USP20: variants seen among roughly 807,000 people sequenced by gnomAD.
The protein encoded by USP20 is ubiquitin specific peptidase 20.
Under a neutral mutation model 124.2 loss-of-function variants are expected in USP20, and 80 were observed. That is an observed-to-expected ratio of 0.64 (90% CI 0.54 to 0.78). USP20 has a LOEUF of 0.78. USP20 is among the 30% of genes least tolerant of loss of function. USP20 has a pLI of 0.00. For missense variants in USP20, 1,043 were observed against 1,244.4 expected (o/e 0.84, Z 2.44); for synonymous variants, 481 against 512.3 (o/e 0.94, Z 0.83).
At chr9:129,843,117 A>ATTT (rs111656983) in intron 1 of USP20, among the ~76,000 whole-genome samples, 4 of 140,528 alleles carry the variant, frequency 2.8e-5, no homozygotes, top group African/African-American at 8.0e-5. Flanking sequence ...TTGACCAATA[A>ATTT]TTTTTTTTTT....
At chr9:129,878,688 A>G (rs2034512825) in intron 23 of USP20, among the ~76,000 whole-genome samples, 1 of 152,178 alleles carries the variant, frequency 6.6e-6, no homozygotes, top group African/African-American at 2.4e-5. Flanking sequence ...TGCCATGCCC[A>G]GCAAGCTGCT....
chr9:129,870,367 G>T, intron 14 of USP20, 86 bp from the exon 15 acceptor site: 1 of 1,451,486 alleles, frequency 6.9e-7, no homozygotes. Flanking sequence ...TGCGGCTCAG[G>T]CCTGACAGAC....
chr9:129,875,656 G>A lies in USP20; in HGVS notation c.2300+15G>A, dbSNP rs1351895552. 4 of 1,613,158 alleles carry A rather than the reference G, an allele frequency of 2.5e-6. No homozygotes were observed. The South Asian group carries it at 4.4e-5, about 18-fold the overall frequency. On this transcript the variant is annotated intron_variant, in intron 21 of 25. Transcript: ENST00000372429. ...CTGTACAACAGGTGAGAGCCTGGGA[G>A]GCCAACTTGTCTCCGTCCTGTCCAG...
rs1232201732 is a variant in USP20, at chr9:129,878,337, G to A, written c.2410-1G>A. 1 of 1,586,498 alleles carries A rather than the reference G, an allele frequency of 6.3e-7. No individual in the cohort carries two copies. Among genetic ancestry groups the A allele is most frequent in the Non-Finnish European group, 8.6e-7 (1 of 1,166,412 alleles). On this transcript the variant is annotated splice_acceptor_variant, in intron 22 of 25. Coordinates refer to ENST00000372429, the MANE Select transcript of USP20 (RefSeq NM_001110303.4). LOFTEE classifies it high-confidence loss of function. ...TCCTCCCGTCCCTGCCCGCCTGCCA[G>A]TTGAACAAGGCCTTCCAGGCCGAGG...
intron 1 of USP20, among the ~76,000 whole-genome samples, chr9:129,843,951 T>C (rs2032385680): frequency 6.6e-6 from 1 of 151,392 alleles, no homozygotes; most frequent in African/African-American, 2.4e-5. Flanking sequence ...CCTGTAGTCC[T>C]AGCTACTTGG....
At chr9:129,850,285 T>G (rs1035227430) in intron 2 of USP20, among the ~76,000 whole-genome samples, 1 of 152,196 alleles carries the variant, frequency 6.6e-6, no homozygotes, top group Non-Finnish European at 1.5e-5. Context: ...ATTTACATTT[T>G]CTATAAGTTA....
At chr9:129,863,334 T>C in intron 9 of USP20, 35 bp downstream of exon 9, 1 of 1,493,268 alleles carries the variant, frequency 6.7e-7, no homozygotes, top group Non-Finnish European at 9.1e-7. Flanking sequence ...GGGCGGTGTG[T>C]GGGGACTGGG....
Position 129,874,710 on chromosome 9 carries a change from CACCT to C in USP20, c.1878_1881del (p.Tyr627ThrfsTer24). Reference sequence around the variant, plus strand: ...CCAAGGAGTGCACATCCCAGATCACCACCTACGACCTCCTCTCGGTCATCTGCCA... The same window carrying C: ...CCAAGGAGTGCACATCCCAGATCACCACGACCTCCTCTCGGTCATCTGCCA... On this transcript the variant is annotated frameshift_variant, in exon 18 of 26. Transcript: ENST00000372429. LOFTEE classifies it high-confidence loss of function. The C allele has an allele frequency of 6.2e-7, 1 of 1,613,990 alleles. No homozygotes were observed. The highest frequency in any genetic ancestry group is 8.5e-7 in the Non-Finnish European group (1 of 1,180,032).
intron 22 of USP20, among the ~76,000 whole-genome samples, chr9:129,876,603 C>T (rs1234200523): frequency 6.7e-6 from 1 of 149,034 alleles, no homozygotes; most frequent in East Asian, 2.0e-4. Context: ...TGTGCCACTG[C>T]GCTCCAGCCT....
intron 1 of USP20, among the ~76,000 whole-genome samples, chr9:129,837,028 G>GGGTA (rs2031893975): frequency 6.6e-6 from 1 of 152,216 alleles, no homozygotes; most frequent in African/African-American, 2.4e-5. Flanking sequence ...TGAAGTCCCA[G>GGGTA]GGTACAGATG....
chr9:129,851,361 A>G (rs2032911947), intron 2 of USP20, among the ~76,000 whole-genome samples: 2 of 149,676 alleles, frequency 1.3e-5, no homozygotes, highest in South Asian at 2.1e-4. Context: ...CTGGGCTCAC[A>G]TGATCTCCTA....
chr9:129,848,695 CT>C (rs1206033320), intron 1 of USP20, among the ~76,000 whole-genome samples: 1 of 152,028 alleles, frequency 6.6e-6, no homozygotes, highest in Non-Finnish European at 1.5e-5. Context: ...TGCCCACTCC[CT>C]CCCCAGCCAC....
chr9:129,878,994 G>A (rs984978360), intron 23 of USP20, among the ~76,000 whole-genome samples: 1 of 152,368 alleles, frequency 6.6e-6, no homozygotes, highest in African/African-American at 2.4e-5. Context: ...CCCTTGGTGT[G>A]GAGCATGAGC....
In USP20 at chr9:129,857,277, C is replaced by T. The variant is rs554932263; in HGVS notation, c.136-773C>T. Among the ~76,000 whole-genome samples, 48 of 152,308 alleles carry T rather than the reference C, an allele frequency of 3.2e-4. No homozygotes were observed. In the South Asian group the frequency reaches 9.5e-3, roughly 30 times the overall value. Reference sequence around the variant, plus strand: ...GGCTGTTACAAGTGCAGGACGTGGTCCTACCTCATAGGAGCCACAGTCCCC... The same window carrying T: ...GGCTGTTACAAGTGCAGGACGTGGTTCTACCTCATAGGAGCCACAGTCCCC... On this transcript the variant is annotated intron_variant, in intron 4 of 25. Coordinates refer to ENST00000372429, the MANE Select transcript of USP20 (RefSeq NM_001110303.4).
In USP20 at chr9:129,844,949, G is replaced by C. The variant is rs146095687; in HGVS notation, c.-128-4864G>C. 5.1e-3 allele frequency among the ~76,000 whole-genome samples: 779 copies of C among 152,192 alleles called. 6 individuals are homozygous for C. Among genetic ancestry groups the C allele is most frequent in the East Asian group, 0.02 (105 of 5,172 alleles). On this transcript the variant is annotated intron_variant, in intron 1 of 25. Coordinates refer to ENST00000372429, the MANE Select transcript of USP20 (RefSeq NM_001110303.4). ...TGTAATCCCAGCACTTTGGGAGGTG[G>C]AGGTGGGCAGATCACTTAAGCCCAG...
intron 1 of USP20, among the ~76,000 whole-genome samples, chr9:129,849,121 C>T (rs1016951669): frequency 6.6e-6 from 1 of 152,176 alleles, no homozygotes; most frequent in African/African-American, 2.4e-5. Context: ...GGGGCCAGGC[C>T]TTCCTGTCCA....
intron 2 of USP20, among the ~76,000 whole-genome samples, chr9:129,851,578 C>T (rs1043764070): frequency 7.2e-6 from 1 of 139,016 alleles, no homozygotes; most frequent in African/African-American, 2.7e-5. Flanking sequence ...CCACCCCACA[C>T]TCAAGATACA....
intron 4 of USP20, 118 bp from the exon 5 acceptor site, chr9:129,857,932 C>T: frequency 1.2e-6 from 1 of 855,364 alleles, no homozygotes; most frequent in South Asian, 1.5e-5. Flanking sequence ...AGCCTCAGTC[C>T]CTTGTGGCCC....
intron 11 of USP20, 31 bp downstream of exon 11, chr9:129,868,480 C>G: frequency 6.3e-7 from 1 of 1,595,372 alleles, no homozygotes; most frequent in Non-Finnish European, 8.5e-7. Flanking sequence ...GCGGGAGGAA[C>G]CTCAGCCTAT....
Sources: allele counts gnomAD v4.1 joint callset (sites outside exome capture counted in the v4.1 genomes callset), GRCh38; gene constraint gnomAD v4.1.1; transcripts MANE v1.5; gene names NCBI Gene and HGNC (gene_info 2026-07-23, HGNC 2026-07-21).